The following CLECL1 variants were observed in gnomAD, a reference collection of about 807,000 sequenced individuals.
The protein encoded by CLECL1 is C-type lectin like 1.
chr12:9,708,081 G>C, the CLECL1 span, among the ~76,000 whole-genome samples: 1 of 152,340 alleles, frequency 6.6e-6, no homozygotes, highest in East Asian at 1.9e-4. Flanking sequence ...CAGCCACGAG[G>C]AGGGTGGGAG....
the CLECL1 span, among the ~76,000 whole-genome samples, chr12:9,707,592 G>C: frequency 6.6e-6 from 1 of 152,166 alleles, no homozygotes; most frequent in Non-Finnish European, 1.5e-5. Flanking sequence ...TGCTCCCCTA[G>C]AGATTTGAGC....
downstream of CLECL1, among the ~76,000 whole-genome samples, chr12:9,711,372 C>T (rs1861089): frequency 0.92 from 139,527 of 152,276 alleles, 64,027 homozygotes; most frequent in East Asian, 0.97. Context: ...GCATTGGCTA[C>T]TTAATCTAAA....
At chr12:9,733,640 G>T (rs970021611), upstream of CLECL1, among the ~76,000 whole-genome samples, 3 of 151,942 alleles carry the variant, frequency 2.0e-5, no homozygotes, top group Admixed American at 6.6e-5. Flanking sequence ...TTATGCAGAG[G>T]ACTTCTGAAC....
At chr12:9,733,037 G>A (rs779195515), upstream of CLECL1, 2 of 1,614,034 alleles carry the variant, frequency 1.2e-6, no homozygotes, top group Non-Finnish European at 1.7e-6. Context: ...CCATTGCACA[G>A]ATCAAAAAGA....
At chr12:9,719,797 A>T (rs1434944362), downstream of CLECL1, among the ~76,000 whole-genome samples, 2 of 152,186 alleles carry the variant, frequency 1.3e-5, no homozygotes. Context: ...GATTATCCTC[A>T]TTGTTTCACA....
the CLECL1 span, among the ~76,000 whole-genome samples, chr12:9,707,060 A>G: frequency 9.6e-3 from 1,465 of 152,138 alleles, 15 homozygotes; most frequent in African/African-American, 0.029. Context: ...CAGGGATTCA[A>G]TTTCTCCCCT....
At chr12:9,718,650 A>T, downstream of CLECL1, 3 of 680,276 alleles carry the variant, frequency 4.4e-6, no homozygotes, top group Non-Finnish European at 8.0e-6. Flanking sequence ...CAGTGAGGCC[A>T]TTGCGGTGGG....
At chr12:9,709,640 CT>C in the CLECL1 span, among the ~76,000 whole-genome samples, 1 of 152,184 alleles carries the variant, frequency 6.6e-6, no homozygotes. Flanking sequence ...TAGGAATGAG[CT>C]TTGTATCACA....
downstream of CLECL1, among the ~76,000 whole-genome samples, chr12:9,719,891 TAG>T (rs1866287785): frequency 6.6e-6 from 1 of 152,258 alleles, no homozygotes; most frequent in Non-Finnish European, 1.5e-5. Context: ...CTGGGCATTT[TAG>T]TTTCCATTTT....
chr12:9,710,926 T>A (rs1866194557), downstream of CLECL1, among the ~76,000 whole-genome samples: 1 of 152,208 alleles, frequency 6.6e-6, no homozygotes, highest in Non-Finnish European at 1.5e-5. Flanking sequence ...CAAGCCCATA[T>A]GTGATCTGAT....
upstream of CLECL1, among the ~76,000 whole-genome samples, chr12:9,733,995 T>C (rs866851377): frequency 2.6e-5 from 4 of 152,026 alleles, no homozygotes; most frequent in African/African-American, 7.3e-5. Flanking sequence ...CAGAGGGAAA[T>C]AATGGAGGAG....
Position 9,722,723 on chromosome 12 carries a change from T to C in CLECL1, n.353A>G, listed in dbSNP as rs368529213. 3.7e-6 allele frequency: 6 copies of C among 1,614,012 alleles called. No individual in the cohort carries two copies. The African/African-American group carries it at 8.0e-5, about 22-fold the overall frequency. On this transcript the variant is annotated non_coding_transcript_exon_variant, in exon 4 of 4. Transcript: ENST00000621400. ...ATTTTGACTTTTGTTCCAAGATTTC[T>C]TAGTTTCAGCAATCCAGTAACATTT...
At chr12:9,722,467 G>A (rs1478451967), downstream of CLECL1, 309 of 1,079,546 alleles carry the variant, frequency 2.9e-4, no homozygotes, top group Non-Finnish European at 3.3e-4. Context: ...CTCCTAGCCG[G>A]AAAAAAAAAA....
exon 3 of CLECL1, chr12:9,716,655 T>G (rs991775526): frequency 1.0e-5 from 5 of 499,552 alleles, no homozygotes; most frequent in African/African-American, 2.1e-5. Context: ...CTTTGTTCTC[T>G]TCATCAGAGG....
At chr12:9,706,207 G>T in the CLECL1 span, among the ~76,000 whole-genome samples, 1 of 152,192 alleles carries the variant, frequency 6.6e-6, no homozygotes, top group Non-Finnish European at 1.5e-5. Context: ...AATTGATTTT[G>T]TAACCTGAGA....
chr12:9,727,303 A>G (rs1007988095), intron 3 of CLECL1, among the ~76,000 whole-genome samples: 2 of 151,832 alleles, frequency 1.3e-5, no homozygotes, highest in Admixed American at 1.3e-4. Flanking sequence ...ATAAAAAACA[A>G]AATAAAATAC....
chr12:9,718,479 C>T (rs1287536167), downstream of CLECL1, among the ~76,000 whole-genome samples: 6 of 150,432 alleles, frequency 4.0e-5, no homozygotes, highest in Admixed American at 2.0e-4. Flanking sequence ...GGTGCATGCA[C>T]GTTTATAATT....
downstream of CLECL1, among the ~76,000 whole-genome samples, chr12:9,719,252 C>T (rs1239088518): frequency 1.3e-5 from 2 of 152,118 alleles, no homozygotes; most frequent in African/African-American, 2.4e-5. Flanking sequence ...CTAGGCTGGG[C>T]GTGTTGGCTC....
At chr12:9,715,600 G>C (rs777800025), downstream of CLECL1, among the ~76,000 whole-genome samples, 3 of 152,242 alleles carry the variant, frequency 2.0e-5, no homozygotes, top group South Asian at 6.2e-4. Flanking sequence ...CCCTCTGTGT[G>C]GGAAGAAGTA....
Sources: gnomAD v4.1 joint callset for allele counts (sites outside exome capture counted in the v4.1 genomes callset) on GRCh38, gnomAD v4.1.1 for gene constraint, MANE v1.5 for transcripts, NCBI Gene and HGNC (gene_info 2026-07-23, HGNC 2026-07-21) for gene names.